Variants in PARVB observed in about 807,000 individuals in gnomAD.
The protein encoded by PARVB is beta-parvin.
A neutral mutation model predicts 47.0 loss-of-function variants in PARVB; 46 were observed. That is an observed-to-expected ratio of 0.98 (90% CI 0.77 to 1.25). PARVB has a LOEUF of 1.25. PARVB is among the 50% of genes most tolerant of loss of function. PARVB has a pLI of 0.00. For missense variants in PARVB, 473 were observed against 471.6 expected (o/e 1.00, Z -0.03); for synonymous variants, 196 against 196.3 (o/e 1.00, Z 0.01).
At chr22:44,051,114 G>T (rs1458558510) in intron 1 of PARVB, among the ~76,000 whole-genome samples, 1 of 152,218 alleles carries the variant, frequency 6.6e-6, no homozygotes, top group African/African-American at 2.4e-5. Flanking sequence ...CATGGGGGCA[G>T]AAGCAGAGAT....
At chr22:44,092,182 C>T (rs1391450506) in intron 1 of PARVB, among the ~76,000 whole-genome samples, 2 of 152,164 alleles carry the variant, frequency 1.3e-5, no homozygotes, top group African/African-American at 2.4e-5. Flanking sequence ...GTGATCTTGG[C>T]TCACTGCAAC....
At chr22:44,108,088 G>C (rs2052609004) in intron 3 of PARVB, 1 of 152,208 alleles carries the variant, frequency 6.6e-6, no homozygotes. Flanking sequence ...TGCCCTGGCT[G>C]GTTGCGAACT....
At chr22:44,139,990 A>G in intron 7 of PARVB, 134 bp from the exon 8 acceptor site, 1 of 119,564 alleles carries the variant, frequency 8.4e-6, no homozygotes, top group Non-Finnish European at 1.5e-5. Context: ...TTGCGTTCTT[A>G]TCAGTAGGCC....
chr22:44,115,286 C>G (rs1365562506), intron 3 of PARVB: 2 of 61,800 alleles, frequency 3.2e-5, no homozygotes, highest in African/African-American at 1.7e-4. Context: ...CCTGCACCAA[C>G]ACAGATACAT....
intron 1 of PARVB, among the ~76,000 whole-genome samples, chr22:44,030,392 G>A (rs117978745): frequency 0.025 from 3,831 of 152,308 alleles, 65 homozygotes; most frequent in Non-Finnish European, 0.037. Flanking sequence ...GGCTCCTGAG[G>A]AGACCCCCAG....
intron 7 of PARVB, among the ~76,000 whole-genome samples, chr22:44,138,137 G>A (rs572835778): frequency 6.6e-6 from 1 of 152,302 alleles, no homozygotes; most frequent in African/African-American, 2.4e-5. Flanking sequence ...CAGCCTCCTT[G>A]CTGGATCAAC....
intron 4 of PARVB, among the ~76,000 whole-genome samples, chr22:44,126,445 T>C (rs191961478): frequency 3.9e-4 from 60 of 152,334 alleles, no homozygotes; most frequent in African/African-American, 1.4e-3. Flanking sequence ...TCTTGAGGTC[T>C]TCAAACCAGA....
chr22:44,116,613 A>G (rs138677011), intron 3 of PARVB, among the ~76,000 whole-genome samples: 73 of 152,340 alleles, frequency 4.8e-4, no homozygotes, highest in African/African-American at 1.6e-3. Flanking sequence ...GGACAGAGCC[A>G]CAGACAAGCC....
chr22:44,157,538 C>A (rs1029669087), intron 10 of PARVB, among the ~76,000 whole-genome samples: 2 of 152,128 alleles, frequency 1.3e-5, no homozygotes, highest in Non-Finnish European at 2.9e-5. Context: ...TCACTTGATT[C>A]CAGATTCTCC....
At chr22:44,113,226 C>A (rs1213946092) in intron 3 of PARVB, 2 of 124,780 alleles carry the variant, frequency 1.6e-5, no homozygotes, top group South Asian at 4.7e-4. Flanking sequence ...CCTGCACCAA[C>A]ACAGATACGT....
chr22:43,999,322 G>T (rs753464014), exon 1 of PARVB: 1 of 1,572,600 alleles, frequency 6.4e-7, no homozygotes, highest in Non-Finnish European at 8.6e-7. Flanking sequence ...TTACCTTTGG[G>T]ACAGTTAGAT....
intron 1 of PARVB, among the ~76,000 whole-genome samples, chr22:44,085,886 G>T (rs1455118154): frequency 6.6e-6 from 1 of 152,218 alleles, no homozygotes; most frequent in African/African-American, 2.4e-5. Context: ...ATAGGACAGG[G>T]TTTCAGCAGT....
chr22:44,142,059 C>T (rs1292242742), intron 8 of PARVB: 1 of 151,952 alleles, frequency 6.6e-6, no homozygotes, highest in South Asian at 2.1e-4. Flanking sequence ...AGGCTCAGAA[C>T]CCCTTTGGAA....
intron 3 of PARVB, chr22:44,112,866 A>G (rs2052740102): frequency 9.0e-6 from 1 of 111,600 alleles, no homozygotes; most frequent in Admixed American, 8.6e-5. Flanking sequence ...GCCCTGCACC[A>G]ACACAGATAC....
chr22:44,117,209 G>T (rs2052927776), intron 3 of PARVB, among the ~76,000 whole-genome samples: 1 of 152,146 alleles, frequency 6.6e-6, no homozygotes, highest in Non-Finnish European at 1.5e-5. Context: ...GCTGGAAGTT[G>T]CAGGAGGGCA....
intron 4 of PARVB, among the ~76,000 whole-genome samples, chr22:44,128,594 A>G (rs2053242997): frequency 6.6e-6 from 1 of 152,034 alleles, no homozygotes; most frequent in African/African-American, 2.4e-5. Flanking sequence ...CCAAATTCAT[A>G]TTTTCAAGTC....
rs569063587 is a variant in PARVB at position 44,147,887 on chromosome 22, G to A, written c.739G>A (p.Asp247Asn). 17 of 1,613,984 alleles carry A rather than the reference G, an allele frequency of 1.1e-5. No homozygotes were observed. The African/African-American group carries it at 1.1e-4, about 10-fold the overall frequency. The change falls in exon 9 of 13, where the codon GAC becomes AAC. Residue 247 changes from aspartate (D) to asparagine (N), a missense_variant. Coordinates refer to ENST00000338758, the MANE Select transcript of PARVB (RefSeq NM_013327.5). ...FERDAFDTLFDHAPDKLSVVK... is the reference protein window; with the variant it reads ...FERDAFDTLFNHAPDKLSVVK... ...GCGGGATGCCTTCGACACGCTGTTCGACCACGCCCCGGATAAGCTCAGCGT... is the reference window on the plus strand; with the variant it reads ...GCGGGATGCCTTCGACACGCTGTTCAACCACGCCCCGGATAAGCTCAGCGT...
intron 1 of PARVB, among the ~76,000 whole-genome samples, chr22:44,077,323 T>C (rs2051799466): frequency 6.6e-6 from 1 of 152,126 alleles, no homozygotes; most frequent in Non-Finnish European, 1.5e-5. Context: ...TGGGCCTCCT[T>C]CTCCGTCTGT....
intron 2 of PARVB, among the ~76,000 whole-genome samples, chr22:44,001,800 G>A (rs750729379): frequency 1.3e-5 from 2 of 152,164 alleles, no homozygotes; most frequent in East Asian, 1.9e-4. Context: ...TTTGTTAGTC[G>A]CTCTTCCAGG....
Sources: gnomAD v4.1 joint callset for allele counts (sites outside exome capture counted in the v4.1 genomes callset) on GRCh38, gnomAD v4.1.1 for gene constraint, MANE v1.5 for transcripts, NCBI Gene and HGNC (gene_info 2026-07-23, HGNC 2026-07-21) for gene names.